The following EFCAB8 variants were observed in gnomAD, a reference collection of about 807,000 sequenced individuals.
EFCAB8 encodes the protein EF-hand calcium-binding domain-containing protein 8.
EFCAB8 carries 100 observed loss-of-function variants against 116.3 expected under a neutral mutation model. The observed-to-expected ratio is 0.86, with a 90% confidence interval of 0.73 to 1.02. The LOEUF is 1.02. Ranked by LOEUF, EFCAB8 falls within the 50% of genes least tolerant of loss-of-function variation. The probability of loss-of-function intolerance (pLI) is 0.00; values close to 1 mark genes in which losing one functional copy is unlikely to be tolerated. For synonymous variants in EFCAB8, 558 were observed against 567.9 expected, an observed-to-expected ratio of 0.98 and a Z score of 0.25; for missense variants, 1,320 against 1,416.9, an observed-to-expected ratio of 0.93 and a Z score of 1.10.
intron 7 of EFCAB8, among the ~76,000 whole-genome samples, chr20:32,890,251 C>T (rs1463728177): frequency 7.0e-6 from 1 of 143,812 alleles, no homozygotes; most frequent in East Asian, 2.0e-4. Context: ...GTGCTGTGGC[C>T]TGGGTCTCTG....
Position 32,958,509 on chromosome 20 carries a change from C to T in EFCAB8, c.3048C>T (p.Asp1016=), listed in dbSNP as rs1989042752. The change falls in exon 24 of 27, where the codon GAC becomes GAT. Residue 1016 remains aspartate, a synonymous_variant. Coordinates refer to ENST00000400522, the MANE Select transcript of EFCAB8 (RefSeq NM_001143967.2). ...ENRASLEEDG[D]STGTTQKVLH... ...GAGCAAGCTTAGAGGAAGATGGTGA[C>T]TCCACTGGCACCACCCAGAAGGTCT... 1 of 416,642 alleles carries T rather than the reference C, an allele frequency of 2.4e-6. No homozygotes were observed. The highest frequency in any genetic ancestry group is 4.4e-6 in the Non-Finnish European group (1 of 226,394). 25.8% of individuals were successfully genotyped at this position (416,642 alleles called of 1,614,324 possible).
chr20:32,901,766 C>T (rs1195865028), intron 11 of EFCAB8, among the ~76,000 whole-genome samples: 1 of 152,240 alleles, frequency 6.6e-6, no homozygotes, highest in African/African-American at 2.4e-5. Context: ...TAGCTCACTG[C>T]AACCTCCACC....
chr20:32,864,803 A>G (rs1984305131), intron 2 of EFCAB8, among the ~76,000 whole-genome samples: 1 of 152,208 alleles, frequency 6.6e-6, no homozygotes, highest in South Asian at 2.1e-4. Flanking sequence ...AAATTAGATT[A>G]AGTTAAGTTA....
At chr20:32,885,779 C>T in intron 6 of EFCAB8, 139 bp downstream of exon 6, 2 of 1,108,584 alleles carry the variant, frequency 1.8e-6, no homozygotes, top group Non-Finnish European at 2.5e-6. Flanking sequence ...GCACCTGGGT[C>T]CTGACTTGGC....
intron 20 of EFCAB8, among the ~76,000 whole-genome samples, chr20:32,926,119 ACC>A (rs1401359811): frequency 2.0e-5 from 3 of 151,758 alleles, no homozygotes; most frequent in Non-Finnish European, 4.4e-5. Flanking sequence ...ATTCACCTTC[ACC>A]CTACCTGCTC....
At chr20:32,876,815 AAAATT>A (rs1984999462) in intron 4 of EFCAB8, among the ~76,000 whole-genome samples, 1 of 152,090 alleles carries the variant, frequency 6.6e-6, no homozygotes, top group African/African-American at 2.4e-5. Flanking sequence ...AAAAATACCA[AAAATT>A]AAACGGGTGT....
In EFCAB8 at chr20:32,897,408, C is replaced by G. The variant is rs375060607; in HGVS notation, c.957+881C>G. ...GAATGAATGAATGACGCACTCAGGG[C>G]GGTCTGGGTGATCCAACAGGCCTGC... On this transcript the variant is annotated intron_variant, in intron 10 of 26. Coordinates refer to ENST00000400522, the MANE Select transcript of EFCAB8 (RefSeq NM_001143967.2). 2.7e-5 allele frequency among the ~76,000 whole-genome samples: 4 copies of G among 150,808 alleles called. No individual in the cohort carries two copies. The East Asian group carries it at 7.8e-4, about 30-fold the overall frequency.
Position 32,893,182 on chromosome 20 carries a change from A to C in EFCAB8, c.767A>C (p.Tyr256Ser). Residue 256 changes from tyrosine (Y) to serine (S), a missense_variant, in exon 9 of 27, where the codon TAT becomes TCT. Transcript: ENST00000400522. ...TCTCCATCTTTCTGCAGGTCTGACT[A>C]TCACAGAGGTGTGTTCTGCTATGGA... is the stretch of plus-strand genomic sequence containing the variant. ...CALVMDYWSD[Y>S]HRGVFCYGDA... is the part of the protein sequence containing the mutation. The C allele has an allele frequency of 6.4e-7, 1 of 1,551,892 alleles. No homozygotes were observed.
intron 13 of EFCAB8, 123 bp from the exon 14 acceptor site, chr20:32,908,152 T>C: frequency 1.1e-6 from 1 of 937,256 alleles, no homozygotes; most frequent in Non-Finnish European, 1.4e-6. Flanking sequence ...TGTGTGTGTG[T>C]TAGAAGTGCT....
intron 23 of EFCAB8, among the ~76,000 whole-genome samples, chr20:32,947,307 C>T (rs1238365244): frequency 6.6e-6 from 1 of 152,134 alleles, no homozygotes; most frequent in South Asian, 2.1e-4. Flanking sequence ...TATAAAACAA[C>T]TATACAGAAA....
At position 32,863,823 on chromosome 20, in the gene EFCAB8, C is replaced by G; in HGVS notation, c.31C>G (p.Gln11Glu). 1.9e-6 allele frequency: 3 copies of G among 1,551,404 alleles called. No individual in the cohort carries two copies. Among genetic ancestry groups the G allele is most frequent in the Non-Finnish European group, 2.6e-6 (3 of 1,146,858 alleles). MSSEDLAEIP[Q>E]LQKLSIPHGF... ...TTCTGAAGACTTAGCAGAGATCCCT[C>G]AACTCCAAAAGGTAAGAAAGACAAT... Residue 11 changes from glutamine to glutamate, a missense_variant, in exon 2 of 27, where the codon CAA becomes GAA. Transcript: ENST00000400522.
intron 7 of EFCAB8, 134 bp downstream of exon 7, chr20:32,889,540 C>A: frequency 1.2e-6 from 1 of 867,092 alleles, no homozygotes; most frequent in Non-Finnish European, 1.8e-6. Context: ...GGTGGAGAGG[C>A]CTTAGTGCCA....
At position 32,885,613 on chromosome 20, in the gene EFCAB8, G is replaced by C; in HGVS notation, c.540G>C (p.Glu180Asp). The change falls in exon 6 of 27, where the codon GAG (glutamate) becomes GAC (aspartate). Residue 180 changes from glutamate (E) to aspartate (D), a missense_variant. By Grantham distance (45) the Glu-to-Asp change is conservative. Transcript: ENST00000400522. ...ACGGGATCCTGCAGTTCTGGTCTGA[G>C]TCCTTCTCGCTGATGAGCTCCTTTA... ...TKDGILQFWS[E>D]SFSLMSSFRL... The C allele has an allele frequency of 1.3e-6, 2 of 1,551,852 alleles. No individual in the cohort carries two copies. The highest frequency in any genetic ancestry group is 1.7e-6 in the Non-Finnish European group (2 of 1,147,030).
intron 3 of EFCAB8, among the ~76,000 whole-genome samples, chr20:32,869,634 C>T (rs1984591672): frequency 6.6e-6 from 1 of 152,188 alleles, no homozygotes; most frequent in South Asian, 2.1e-4. Context: ...AAGCAAGTCA[C>T]AGGTCCCACC....
At chr20:32,905,096 C>G (rs767733774) in intron 11 of EFCAB8, among the ~76,000 whole-genome samples, 3 of 152,214 alleles carry the variant, frequency 2.0e-5, no homozygotes, top group Non-Finnish European at 2.9e-5. Context: ...CTGAGCCTCA[C>G]CCGGCCCTAA....
intron 22 of EFCAB8, among the ~76,000 whole-genome samples, chr20:32,933,174 G>C (rs989189939): frequency 6.6e-6 from 1 of 152,184 alleles, no homozygotes; most frequent in Admixed American, 6.5e-5. Context: ...GTAGCAACCA[G>C]TGTAGACCTG....
intron 1 of EFCAB8, 65 bp from the exon 2 acceptor site, chr20:32,863,718 A>G (rs1984244513): frequency 1.3e-6 from 2 of 1,491,216 alleles, no homozygotes; most frequent in South Asian, 1.3e-5. Flanking sequence ...TGACCTGGCT[A>G]AGTCAGCCTT....
chr20:32,930,671 C>A, intron 21 of EFCAB8, 55 bp downstream of exon 21: 1 of 1,499,954 alleles, frequency 6.7e-7, no homozygotes, highest in Non-Finnish European at 9.1e-7. Flanking sequence ...AGTGTTCGGC[C>A]ATCTCTTTGC....
intron 3 of EFCAB8, among the ~76,000 whole-genome samples, chr20:32,873,810 CAA>C (rs397865341): frequency 7.2e-6 from 1 of 138,664 alleles, no homozygotes. Flanking sequence ...AGACTCTGTC[CAA>C]AAAAAAAAAA....
Sources: allele counts gnomAD v4.1 joint callset (sites outside exome capture counted in the v4.1 genomes callset), GRCh38; gene constraint gnomAD v4.1.1; transcripts MANE v1.5; gene names NCBI Gene and HGNC (gene_info 2026-07-23, HGNC 2026-07-21).